The following DLGAP2 variants were observed in gnomAD, a reference collection of about 807,000 sequenced individuals.
DLGAP2 encodes DLG associated protein 2, also known as disks large-associated protein 2.
Under a neutral mutation model 100.3 loss-of-function variants are expected in DLGAP2, and 26 were observed. The observed-to-expected ratio is 0.26, with a 90% CI of 0.19 to 0.36. The LOEUF is 0.36. Among genes scored for constraint, DLGAP2 ranks in the 10% least tolerant of loss-of-function variants. The pLI, the probability that DLGAP2 is intolerant of heterozygous loss-of-function variation, is 1.00. For synonymous variants in DLGAP2, 886 were observed against 630.1 expected, an observed-to-expected ratio of 1.41 and a Z score of -6.08; for missense variants, 1,858 against 1,453.2, an observed-to-expected ratio of 1.28 and a Z score of -4.53.
chr8:1,330,003 C>T (rs11136383), intron 3 of DLGAP2, among the ~76,000 whole-genome samples: 8,116 of 152,282 alleles, frequency 0.053, 291 homozygotes, highest in South Asian at 0.12. Flanking sequence ...GAGTGAGCTG[C>T]GGACCCCAGG....
At chr8:894,970 G>GCA (rs1379617872) in intron 1 of DLGAP2, among the ~76,000 whole-genome samples, 20 of 144,812 alleles carry the variant, frequency 1.4e-4, no homozygotes, top group African/African-American at 4.6e-4. Flanking sequence ...GTGGCGGATG[G>GCA]CAGGGGTGGC....
chr8:1,285,476 T>C (rs527622917), intron 3 of DLGAP2, among the ~76,000 whole-genome samples: 79 of 152,282 alleles, frequency 5.2e-4, no homozygotes, highest in Non-Finnish European at 1.0e-3. Context: ...GTCCTGGAGA[T>C]GATGGAAGGC....
intron 8 of DLGAP2, among the ~76,000 whole-genome samples, chr8:1,663,505 C>T (rs964199229): frequency 2.0e-5 from 3 of 152,148 alleles, no homozygotes; most frequent in Non-Finnish European, 4.4e-5. Context: ...TCCAAGATCA[C>T]ATGATGACAT....
intron 1 of DLGAP2, among the ~76,000 whole-genome samples, chr8:883,773 T>G (rs745759754): frequency 1.3e-5 from 2 of 152,178 alleles, no homozygotes; most frequent in Non-Finnish European, 2.9e-5. Context: ...TAACCCATCC[T>G]GTAAGTTTCC....
In DLGAP2 at chr8:820,483, G is replaced by A. The variant is rs188321608; in HGVS notation, c.18+82658G>A. On this transcript the variant is annotated intron_variant, in intron 1 of 14. Transcript: ENST00000637795. Reference sequence around the variant, plus strand: ...GGCATATGTAAAGAGTTCCTCGAAAGCAATGAAAAATTTATCCCCCAAAAG... The same window carrying A: ...GGCATATGTAAAGAGTTCCTCGAAAACAATGAAAAATTTATCCCCCAAAAG... 9.1e-4 allele frequency among the ~76,000 whole-genome samples: 139 copies of A among 152,204 alleles called. 3 individuals carry two copies. The East Asian group carries it at 0.021, about 23-fold the overall frequency.
chr8:1,256,009 CTG>C (rs1214076189), intron 2 of DLGAP2, among the ~76,000 whole-genome samples: 3 of 123,892 alleles, frequency 2.4e-5, no homozygotes, highest in South Asian at 3.0e-4. Flanking sequence ...TGCCTGGGTG[CTG>C]TGTGTGTGTC....
intron 3 of DLGAP2, among the ~76,000 whole-genome samples, chr8:1,451,358 A>G (rs1024786027): frequency 1.3e-5 from 2 of 152,258 alleles, no homozygotes; most frequent in Admixed American, 1.3e-4. Context: ...AAGTGCCTCC[A>G]GGTTGCATGC....
At chr8:866,836 C>T (rs558144089) in intron 1 of DLGAP2, among the ~76,000 whole-genome samples, 5 of 152,306 alleles carry the variant, frequency 3.3e-5, no homozygotes, top group South Asian at 2.1e-4. Flanking sequence ...GGGCCTTTCC[C>T]GCTCCCTGTG....
At chr8:1,427,387 A>G (rs868731833) in intron 3 of DLGAP2, among the ~76,000 whole-genome samples, 6 of 152,242 alleles carry the variant, frequency 3.9e-5, no homozygotes, top group Non-Finnish European at 5.9e-5. Flanking sequence ...AACAAAATCA[A>G]TTACAAACAT....
At chr8:1,387,664 G>A (rs547888158) in intron 3 of DLGAP2, among the ~76,000 whole-genome samples, 1 of 152,208 alleles carries the variant, frequency 6.6e-6, no homozygotes, top group Admixed American at 6.5e-5. Flanking sequence ...GGAAGAAATA[G>A]GCACTAAGTT....
At chr8:766,154 G>A (rs556962099) in intron 1 of DLGAP2, among the ~76,000 whole-genome samples, 3 of 152,106 alleles carry the variant, frequency 2.0e-5, no homozygotes, top group Admixed American at 6.5e-5. Context: ...GTGACAGAGC[G>A]AGACTCTGTC....
intron 3 of DLGAP2, among the ~76,000 whole-genome samples, chr8:1,387,068 G>A (rs1047177344): frequency 2.6e-5 from 4 of 152,102 alleles, no homozygotes; most frequent in Non-Finnish European, 4.4e-5. Flanking sequence ...ACTAGATAAC[G>A]GCATGTATTG....
intron 12 of DLGAP2, among the ~76,000 whole-genome samples, chr8:1,682,497 G>C (rs569828532): frequency 5.3e-5 from 8 of 150,784 alleles, no homozygotes; most frequent in Non-Finnish European, 1.0e-4. Flanking sequence ...TTTTTTGAGA[G>C]GGAGTCTTGC....
chr8:1,496,650 C>G (rs146023842), intron 3 of DLGAP2, among the ~76,000 whole-genome samples: 3 of 152,162 alleles, frequency 2.0e-5, no homozygotes, highest in Admixed American at 1.3e-4. Context: ...CTCTCAGATC[C>G]ACCCAGACCC....
At chr8:1,686,862 C>G (rs905460765) in intron 12 of DLGAP2, among the ~76,000 whole-genome samples, 6 of 152,134 alleles carry the variant, frequency 3.9e-5, no homozygotes, top group Admixed American at 2.6e-4. Context: ...TTCAAACTAG[C>G]TAGAAGAATT....
intron 5 of DLGAP2, among the ~76,000 whole-genome samples, chr8:1,556,866 G>A (rs930270393): frequency 3.3e-5 from 5 of 152,206 alleles, no homozygotes; most frequent in East Asian, 3.8e-4. Context: ...GCAGCATCGC[G>A]AAGATCTCTT....
intron 2 of DLGAP2, among the ~76,000 whole-genome samples, chr8:1,140,753 C>G (rs1437817997): frequency 6.6e-6 from 1 of 152,222 alleles, no homozygotes. Flanking sequence ...GGGCAGATCA[C>G]TTGAGATCAG....
At chr8:1,477,515 C>A (rs1798968996) in intron 3 of DLGAP2, among the ~76,000 whole-genome samples, 1 of 152,200 alleles carries the variant, frequency 6.6e-6, no homozygotes, top group Admixed American at 6.5e-5. Flanking sequence ...GAAATTCTGG[C>A]TCAGAAACGC....
chr8:854,551 C>T lies in DLGAP2; in HGVS notation c.19-53361C>T, dbSNP rs149548441. ...AGAGGGCCGGACTGACATGTGTGTT[C>T]ATGTGTGCATGTGTCTGCATATGTT... On this transcript the variant is annotated intron_variant, in intron 1 of 14. Coordinates refer to ENST00000637795, the MANE Select transcript of DLGAP2 (RefSeq NM_001346810.2). 4.9e-3 allele frequency among the ~76,000 whole-genome samples: 749 copies of T among 152,042 alleles called. 5 individuals carry two copies. Among genetic ancestry groups the T allele is most frequent in the Non-Finnish European group, 7.0e-3 (478 of 67,984 alleles).
Sources: allele counts gnomAD v4.1 joint callset (sites outside exome capture counted in the v4.1 genomes callset), GRCh38; gene constraint gnomAD v4.1.1; transcripts MANE v1.5; gene names NCBI Gene and HGNC (gene_info 2026-07-23, HGNC 2026-07-21).